TANC2: variants seen among roughly 807,000 people sequenced by gnomAD.
TANC2 encodes the protein protein TANC2.
Under a neutral mutation model 210.5 loss-of-function variants are expected in TANC2, and 26 were observed. The observed-to-expected ratio is 0.12, with a 90% confidence interval of 0.09 to 0.17. The LOEUF is 0.17. Ranked by LOEUF, TANC2 falls within the 10% of genes least tolerant of loss-of-function variation. TANC2 has a pLI of 1.00. For synonymous variants in TANC2, 931 were observed against 967.1 expected (o/e 0.96, Z 0.69); for missense variants, 2,129 against 2,608.9 (o/e 0.82, Z 4.01).
rs62074981 is a variant in TANC2, at chr17:63,331,856, C to G, written c.1576-8245C>G. On this transcript the variant is annotated intron_variant, in intron 11 of 27. Coordinates refer to ENST00000689528, the Ensembl canonical transcript of TANC2. The stretch of plus-strand genomic sequence containing the variant: ...TAAGAGTGTGTGTGTGTGTGTGTGT[C>G]TGTGTGTGTGTGTGTGTGTGTGTGT... 6.9e-3 allele frequency: 1,060 copies of G among 153,248 alleles called. 7 individuals are homozygous for G. Among genetic ancestry groups the G allele is most frequent in the African/African-American group, 0.017 (684 of 39,188 alleles). 9.5% of individuals were successfully genotyped at this position (153,248 alleles called of 1,614,324 possible). A position where few individuals can be genotyped will look rare whatever the true frequency, so the allele number is the denominator to read the frequency against.
At chr17:63,366,364 C>T (rs2047110385) in intron 14 of TANC2, among the ~76,000 whole-genome samples, 2 of 152,192 alleles carry the variant, frequency 1.3e-5, no homozygotes, top group African/African-American at 4.8e-5. Context: ...ACATTTATAA[C>T]TAGCTATAAT....
intron 14 of TANC2, among the ~76,000 whole-genome samples, chr17:63,365,833 C>T (rs180934704): frequency 1.1e-4 from 16 of 152,120 alleles, no homozygotes; most frequent in Non-Finnish European, 1.5e-5. Context: ...CTGCTTGTCA[C>T]GTTATCTAAG....
chr17:63,161,546 T>C (rs537426214), intron 5 of TANC2, among the ~76,000 whole-genome samples: 27 of 152,314 alleles, frequency 1.8e-4, no homozygotes, highest in African/African-American at 6.3e-4. Flanking sequence ...ACTTATTCTG[T>C]GACTCCAAGT....
rs1184297622 is a variant in TANC2 at position 63,361,364 on chromosome 17, CA to C, written c.2582+5975del. On this transcript the variant is annotated intron_variant, in intron 14 of 27. Transcript: ENST00000689528. ...CCACACCTCCCAAGGGTGAGCCAGG[CA>C]CAGAACAGTGAGCAGTGTGTGGACA... 2.6e-5 allele frequency among the ~76,000 whole-genome samples: 4 copies of C among 152,354 alleles called. No individual in the cohort carries two copies. The East Asian group carries it at 7.7e-4, about 29-fold the overall frequency.
intron 11 of TANC2, chr17:63,332,318 G>T: frequency 6.2e-6 from 2 of 322,594 alleles, no homozygotes; most frequent in South Asian, 2.8e-5. Context: ...GCTATTCCTT[G>T]ACCCTTACTA....
chr17:62,981,796 A>G (rs2032315220), intron 1 of TANC2, among the ~76,000 whole-genome samples: 2 of 152,182 alleles, frequency 1.3e-5, no homozygotes, highest in African/African-American at 4.8e-5. Context: ...CATTAGAACA[A>G]CTGATAGAAC....
exon 28 of TANC2, chr17:63,426,996 A>C (rs2049161943): frequency 6.6e-6 from 1 of 152,196 alleles, no homozygotes; most frequent in African/African-American, 2.4e-5. Flanking sequence ...AAAAGTTAAG[A>C]GATGCCGGCT....
intron 20 of TANC2, 110 bp from the exon 21 acceptor site, chr17:63,406,044 G>T: frequency 2.9e-6 from 4 of 1,388,638 alleles, no homozygotes; most frequent in Non-Finnish European, 3.9e-6. Flanking sequence ...AAAGATACAT[G>T]GGTGACTCGT....
At chr17:63,060,662 A>G (rs980445272) in intron 2 of TANC2, among the ~76,000 whole-genome samples, 3 of 152,250 alleles carry the variant, frequency 2.0e-5, no homozygotes, top group African/African-American at 7.2e-5. Flanking sequence ...TTCTGGAAAC[A>G]ACTGCATATT....
In TANC2 at chr17:63,418,397, C is replaced by A; in HGVS notation, c.4258C>A (p.Arg1420Ser). 1 of 1,611,802 alleles carries A rather than the reference C, an allele frequency of 6.2e-7. No individual in the cohort carries two copies. The highest frequency in any genetic ancestry group is 8.5e-7 in the Non-Finnish European group (1 of 1,178,996). ...TTACTATGCGAGAGCAAGGGCAAAA[C>A]GCAGCAGCAGGTGAGGAGAGAGAGA... Residue 1420 changes from arginine (R) to serine (S), a missense_variant, in exon 27 of 28, where the codon CGC (arginine) becomes AGC (serine). This residue lies in a region of TANC2 where 644 missense variants were observed against 937.5 expected (regional missense o/e 0.69). Transcript: ENST00000689528. This position sits in a 1 kb window ranked among gnomAD's most constrained non-coding sequence, Gnocchi z 4.6.
intron 1 of TANC2, among the ~76,000 whole-genome samples, chr17:62,981,573 G>C (rs570838405): frequency 6.6e-6 from 1 of 152,100 alleles, no homozygotes; most frequent in East Asian, 1.9e-4. Flanking sequence ...GTTGTTGACT[G>C]TATCTCCTGG....
intron 7 of TANC2, among the ~76,000 whole-genome samples, chr17:63,218,678 C>G (rs919501806): frequency 2.0e-5 from 3 of 152,036 alleles, no homozygotes; most frequent in Non-Finnish European, 4.4e-5. Context: ...GGTGGATAGC[C>G]TGAAGTCAGG....
intron 2 of TANC2, among the ~76,000 whole-genome samples, chr17:63,012,211 A>G (rs2033906696): frequency 6.6e-6 from 1 of 151,682 alleles, no homozygotes. Context: ...TGTAGAGATG[A>G]GATCTCAGTA....
intron 2 of TANC2, 114 bp downstream of exon 2, chr17:63,009,740 A>G (rs924573145): frequency 1.1e-6 from 1 of 879,708 alleles, no homozygotes; most frequent in Non-Finnish European, 1.8e-6. Context: ...ACTTAAAAGA[A>G]AGTTTACATT....
intron 5 of TANC2, chr17:63,152,805 C>T (rs2039700781): frequency 2.0e-5 from 3 of 152,114 alleles, no homozygotes; most frequent in African/African-American, 7.2e-5. Flanking sequence ...TCATGGGGGC[C>T]TAATCTTTCA....
chr17:63,171,229 C>T (rs1193445075), intron 5 of TANC2, among the ~76,000 whole-genome samples: 1 of 151,654 alleles, frequency 6.6e-6, no homozygotes, highest in African/African-American at 2.4e-5. Context: ...ATTACAGGCG[C>T]ACACCACCAC....
intron 9 of TANC2, among the ~76,000 whole-genome samples, chr17:63,301,477 G>A (rs768083256): frequency 1.3e-5 from 2 of 152,042 alleles, no homozygotes; most frequent in Non-Finnish European, 2.9e-5. Flanking sequence ...GTCTATTCAG[G>A]GATTCAACTT....
chr17:63,278,870 T>G (rs2043974382), intron 9 of TANC2, among the ~76,000 whole-genome samples: 1 of 152,106 alleles, frequency 6.6e-6, no homozygotes. Flanking sequence ...TATGACATGA[T>G]TCCACTTACA....
intron 7 of TANC2, among the ~76,000 whole-genome samples, chr17:63,207,571 T>G (rs957897282): frequency 6.6e-6 from 1 of 152,188 alleles, no homozygotes; most frequent in Non-Finnish European, 1.5e-5. Context: ...GTTGTTGCAT[T>G]TTAGTCTGCT....
Sources: gnomAD v4.1 joint callset for allele counts (sites outside exome capture counted in the v4.1 genomes callset) on GRCh38, gnomAD v4.1.1 for gene constraint, gnomAD v4.1.1 regional missense constraint, Gnocchi (gnomAD v3.1) non-coding constraint, MANE v1.5 for transcripts, NCBI Gene and HGNC (gene_info 2026-07-23, HGNC 2026-07-21) for gene names.